The following DLG1 variants were observed in gnomAD, a reference collection of about 807,000 sequenced individuals.
DLG1 encodes disks large homolog 1.
A neutral mutation model predicts 123.4 loss-of-function variants in DLG1; 42 were observed. The observed-to-expected ratio is 0.34, with a 90% CI of 0.27 to 0.44. The LOEUF (loss-of-function observed/expected upper bound fraction) is 0.44, where lower values mean the gene tolerates loss of function less well. Ranked by LOEUF, DLG1 falls within the 20% of genes least tolerant of loss-of-function variation. The pLI is 1.00. For synonymous variants in DLG1, 317 were observed against 356.2 expected, an observed-to-expected ratio of 0.89 and a Z score of 1.24; for missense variants, 942 against 1,082.6, an observed-to-expected ratio of 0.87 and a Z score of 1.82.
chr3:197,117,482 T>C (rs553727866), intron 12 of DLG1, among the ~76,000 whole-genome samples: 200 of 152,312 alleles, frequency 1.3e-3, no homozygotes, highest in African/African-American at 4.6e-3. Context: ...ATATGTATAA[T>C]TGAACAGTAT....
At position 197,241,158 on chromosome 3, in the gene DLG1, A is replaced by C. The variant is rs181174666; in HGVS notation, c.318+41521T>G. ...GATCCTAAAAGCAGCAATAGAAAAG[A>C]AACAAATAACATATAAAGAAGCTCT... On this transcript the variant is annotated intron_variant, in intron 4 of 24. Coordinates refer to ENST00000667157, the MANE Select transcript of DLG1 (RefSeq NM_001366207.1). Among the ~76,000 whole-genome samples the C allele has an allele frequency of 7.2e-5, 11 of 152,288 alleles. No individual in the cohort carries two copies. In the East Asian group the frequency reaches 1.5e-3, roughly 21 times the overall value.
At chr3:197,226,949 T>C (rs971889969) in intron 4 of DLG1, among the ~76,000 whole-genome samples, 1 of 152,240 alleles carries the variant, frequency 6.6e-6, no homozygotes, top group Non-Finnish European at 1.5e-5. Flanking sequence ...CAGTATTTTA[T>C]ATTTAAAATC....
intron 16 of DLG1, 118 bp from the exon 17 acceptor site, chr3:197,081,235 G>C (rs1257567496): frequency 1.2e-6 from 1 of 864,698 alleles, no homozygotes; most frequent in Non-Finnish European, 1.7e-6. Flanking sequence ...ACCTTTAAGA[G>C]TCATCTAGGT....
intron 22 of DLG1, among the ~76,000 whole-genome samples, chr3:197,064,065 A>G (rs12637016): frequency 0.096 from 14,548 of 151,480 alleles, 1,533 homozygotes; most frequent in African/African-American, 0.25. Context: ...GATTACAGGC[A>G]TGCACCACCA....
At chr3:197,276,963 C>T (rs568014132) in intron 4 of DLG1, among the ~76,000 whole-genome samples, 10 of 151,948 alleles carry the variant, frequency 6.6e-5, no homozygotes, top group African/African-American at 2.2e-4. Flanking sequence ...ACGATCTTGG[C>T]TCACTCCAGC....
intron 14 of DLG1, among the ~76,000 whole-genome samples, chr3:197,096,847 C>A (rs186169918): frequency 6.6e-6 from 1 of 152,268 alleles, no homozygotes; most frequent in African/African-American, 2.4e-5. Flanking sequence ...TTACGCTAAT[C>A]CTTATTTTCA....
chr3:197,202,522 AT>A (rs1451040300), intron 4 of DLG1, among the ~76,000 whole-genome samples: 1 of 152,222 alleles, frequency 6.6e-6, no homozygotes, highest in Non-Finnish European at 1.5e-5. Context: ...GAATCTCAAA[AT>A]TTTAAACCCA....
intron 4 of DLG1, among the ~76,000 whole-genome samples, chr3:197,271,124 C>T (rs951995034): frequency 6.6e-6 from 1 of 152,134 alleles, no homozygotes; most frequent in African/African-American, 2.4e-5. Flanking sequence ...GATCTTCACA[C>T]CTACCTTTCA....
chr3:197,071,522 C>A (rs956952295), intron 18 of DLG1, among the ~76,000 whole-genome samples: 4 of 151,524 alleles, frequency 2.6e-5, no homozygotes, highest in African/African-American at 9.7e-5. Flanking sequence ...AGCTCTTCTA[C>A]AATAAAGCCT....
chr3:197,289,761 C>A (rs1158771189), intron 3 of DLG1, among the ~76,000 whole-genome samples: 2 of 152,162 alleles, frequency 1.3e-5, no homozygotes, highest in Non-Finnish European at 2.9e-5. Flanking sequence ...TTTAAAAAGT[C>A]ATTTTTGACC....
chr3:197,266,200 A>G (rs1761613999), intron 4 of DLG1, among the ~76,000 whole-genome samples: 1 of 152,182 alleles, frequency 6.6e-6, no homozygotes, highest in Non-Finnish European at 1.5e-5. Context: ...AAATTCATCC[A>G]AATTATCAAG....
intron 20 of DLG1, among the ~76,000 whole-genome samples, 196 bp downstream of exon 20, chr3:197,066,504 AAGTC>A (rs1476105490): frequency 6.6e-6 from 1 of 152,168 alleles, no homozygotes; most frequent in Non-Finnish European, 1.5e-5. Flanking sequence ...ACAAATATAA[AAGTC>A]AGTATGAAAT....
intron 19 of DLG1, among the ~76,000 whole-genome samples, chr3:197,067,284 C>T (rs1288886218): frequency 6.6e-6 from 1 of 151,960 alleles, no homozygotes; most frequent in East Asian, 1.9e-4. Context: ...GAAAAATTCA[C>T]TAACTCAACT....
intron 24 of DLG1, among the ~76,000 whole-genome samples, chr3:197,050,686 G>A (rs1726974124): frequency 1.3e-5 from 2 of 152,194 alleles, no homozygotes; most frequent in African/African-American, 4.8e-5. Flanking sequence ...ATGGGGAGAT[G>A]TTAGTGAAAG....
intron 23 of DLG1, among the ~76,000 whole-genome samples, chr3:197,057,101 G>A (rs903297187): frequency 6.6e-6 from 1 of 151,386 alleles, no homozygotes; most frequent in South Asian, 2.1e-4. Context: ...TTAGAGACAC[G>A]GCCTCACTCT....
intron 3 of DLG1, among the ~76,000 whole-genome samples, chr3:197,289,055 T>G (rs548866919): frequency 6.6e-6 from 1 of 152,342 alleles, no homozygotes; most frequent in South Asian, 2.1e-4. Flanking sequence ...AGTGTGATTC[T>G]ATAATTACGT....
intron 9 of DLG1, among the ~76,000 whole-genome samples, 185 bp downstream of exon 9, chr3:197,138,037 T>C (rs1785994170): frequency 6.6e-6 from 1 of 150,430 alleles, no homozygotes; most frequent in Admixed American, 6.6e-5. Flanking sequence ...TTGGTAGAAA[T>C]GTAAATATTC....
rs367977236 is a variant in DLG1 at position 197,075,825 on chromosome 3, T to G, written c.2005+761A>C. 13 of 1,611,184 alleles carry G rather than the reference T, an allele frequency of 8.1e-6. No individual in the cohort carries two copies. The African/African-American group carries it at 1.3e-4, about 17-fold the overall frequency. On this transcript the variant is annotated intron_variant, in intron 18 of 24. Coordinates refer to ENST00000667157, the MANE Select transcript of DLG1 (RefSeq NM_001366207.1). The stretch of plus-strand genomic sequence containing the variant: ...GGTTAAAAAATAACTTGGGAGTATT[T>G]TGATCACTTACTCAGGCCTTTTGAT...
chr3:197,289,341 T>TACACACACACACACACAC (rs56319334), intron 3 of DLG1, among the ~76,000 whole-genome samples: 7 of 150,286 alleles, frequency 4.7e-5, no homozygotes, highest in Non-Finnish European at 1.0e-4. Context: ...TACACGCGCA[T>TACACACACACACACACAC]ACACACACAC....
Sources: gnomAD v4.1 joint callset for allele counts (sites outside exome capture counted in the v4.1 genomes callset) on GRCh38, gnomAD v4.1.1 for gene constraint, MANE v1.5 for transcripts, NCBI Gene and HGNC (gene_info 2026-07-23, HGNC 2026-07-21) for gene names.